SGCZ: variants seen among roughly 807,000 people sequenced by gnomAD.
The protein encoded by SGCZ is sarcoglycan zeta, also known as zeta-sarcoglycan.
Under a neutral mutation model 41.3 loss-of-function variants are expected in SGCZ, and 40 were observed. The ratio of observed to expected loss-of-function variants is 0.97; its 90% CI spans 0.75 to 1.26. SGCZ has a LOEUF of 1.26. Ranked by LOEUF, SGCZ falls within the 50% of genes most tolerant of loss-of-function variation. SGCZ has a pLI of 0.00. For synonymous variants in SGCZ, 206 were observed against 137.5 expected, an observed-to-expected ratio of 1.50 and a Z score of -3.49; for missense variants, 552 against 369.8, an observed-to-expected ratio of 1.49 and a Z score of -4.04.
At chr8:14,337,587 T>A (rs1802548509) in intron 2 of SGCZ, among the ~76,000 whole-genome samples, 1 of 152,140 alleles carries the variant, frequency 6.6e-6, no homozygotes, top group Non-Finnish European at 1.5e-5. Context: ...CCAGAATTGC[T>A]ATGGCAGATG....
chr8:14,095,546 A>G (rs1056718485), intron 7 of SGCZ, among the ~76,000 whole-genome samples: 4 of 152,252 alleles, frequency 2.6e-5, no homozygotes, highest in East Asian at 3.9e-4. Flanking sequence ...TGATGCCTGC[A>G]GCTTTGTTCT....
intron 1 of SGCZ, among the ~76,000 whole-genome samples, chr8:14,948,026 A>T (rs1485532091): frequency 1.3e-5 from 2 of 152,176 alleles, no homozygotes; most frequent in Admixed American, 1.3e-4. Flanking sequence ...AGCCTTCTGA[A>T]ACTTCTTCAT....
intron 2 of SGCZ, among the ~76,000 whole-genome samples, chr8:14,439,150 G>A (rs1003282845): frequency 6.6e-6 from 1 of 151,820 alleles, no homozygotes; most frequent in African/African-American, 2.4e-5. Flanking sequence ...TGATACATTT[G>A]TTAAAGGGAA....
At chr8:14,115,803 G>A (rs1206488329) in intron 5 of SGCZ, among the ~76,000 whole-genome samples, 1 of 151,738 alleles carries the variant, frequency 6.6e-6, no homozygotes, top group Non-Finnish European at 1.5e-5. Context: ...TTTGGGGGGT[G>A]GGGGTGGAAA....
At chr8:14,591,465 A>C (rs1472230093) in intron 1 of SGCZ, among the ~76,000 whole-genome samples, 4 of 152,040 alleles carry the variant, frequency 2.6e-5, no homozygotes, top group African/African-American at 9.7e-5. Context: ...GAAAAGGTAC[A>C]AAAAATATTT....
At chr8:15,173,379 T>TA (rs1291064617) in intron 1 of SGCZ, among the ~76,000 whole-genome samples, 3 of 152,186 alleles carry the variant, frequency 2.0e-5, no homozygotes, top group Non-Finnish European at 4.4e-5. Context: ...TTCTCATCTA[T>TA]AAAAATGGAT....
At chr8:15,231,189 T>C (rs936353784) in intron 1 of SGCZ, among the ~76,000 whole-genome samples, 2 of 152,218 alleles carry the variant, frequency 1.3e-5, no homozygotes, top group South Asian at 2.1e-4. Context: ...GTTTCCCTGA[T>C]GGACATTGCC....
At chr8:14,964,975 C>A (rs552448325) in intron 1 of SGCZ, among the ~76,000 whole-genome samples, 1 of 152,220 alleles carries the variant, frequency 6.6e-6, no homozygotes, top group South Asian at 2.1e-4. Flanking sequence ...GCAGACAGAC[C>A]ATTTACCTTT....
intron 1 of SGCZ, among the ~76,000 whole-genome samples, chr8:15,075,289 T>C (rs1805490626): frequency 6.6e-6 from 1 of 152,150 alleles, no homozygotes; most frequent in Non-Finnish European, 1.5e-5. Flanking sequence ...AGAAATACAC[T>C]TCTCAGATTT....
At chr8:14,629,226 A>G (rs988814887) in intron 1 of SGCZ, among the ~76,000 whole-genome samples, 1 of 152,102 alleles carries the variant, frequency 6.6e-6, no homozygotes, top group Admixed American at 6.6e-5. Flanking sequence ...TTCACTGTAG[A>G]ATGGAGTTAC....
At chr8:14,564,606 A>G (rs1036278447) in intron 1 of SGCZ, among the ~76,000 whole-genome samples, 1 of 152,216 alleles carries the variant, frequency 6.6e-6, no homozygotes, top group Non-Finnish European at 1.5e-5. Context: ...TTTAAAATGT[A>G]TCGTCTACCC....
chr8:14,537,319 A>C (rs1803326460), intron 2 of SGCZ, among the ~76,000 whole-genome samples: 1 of 151,918 alleles, frequency 6.6e-6, no homozygotes, highest in African/African-American at 2.4e-5. Flanking sequence ...GTATCATTGC[A>C]TATCTCTGTC....
chr8:15,055,092 G>T (rs935589133), intron 1 of SGCZ, among the ~76,000 whole-genome samples: 1 of 152,088 alleles, frequency 6.6e-6, no homozygotes, highest in African/African-American at 2.4e-5. Flanking sequence ...CCTTGTGGTA[G>T]GGTACACAGG....
At chr8:14,221,938 G>T (rs1432481220) in intron 4 of SGCZ, among the ~76,000 whole-genome samples, 1 of 151,282 alleles carries the variant, frequency 6.6e-6, no homozygotes, top group Non-Finnish European at 1.5e-5. Context: ...TCCAGCCTGG[G>T]TGACACAGTG....
At chr8:14,619,068 C>T (rs537412286) in intron 1 of SGCZ, among the ~76,000 whole-genome samples, 110 of 152,150 alleles carry the variant, frequency 7.2e-4, no homozygotes, top group African/African-American at 2.5e-3. Context: ...ATTTTCACAC[C>T]GTTATAAAGA....
intron 1 of SGCZ, among the ~76,000 whole-genome samples, chr8:15,127,691 C>T (rs1807756365): frequency 6.6e-6 from 1 of 152,014 alleles, no homozygotes; most frequent in African/African-American, 2.4e-5. Context: ...AATGGTAAAC[C>T]ATCTGCAATT....
chr8:14,886,243 A>G (rs1664700652), intron 1 of SGCZ, among the ~76,000 whole-genome samples: 1 of 151,738 alleles, frequency 6.6e-6, no homozygotes, highest in African/African-American at 2.4e-5. Flanking sequence ...AGGGCCTTCT[A>G]TGTATCAGAT....
chr8:14,469,501 GGCATTATAAAAT>G (rs1801148752), intron 2 of SGCZ, among the ~76,000 whole-genome samples: 1 of 151,862 alleles, frequency 6.6e-6, no homozygotes, highest in South Asian at 2.1e-4. Flanking sequence ...CCATGAGTGT[GGCATTATAAAAT>G]GCATTTGTCC....
At chr8:14,884,685 A>C (rs957317794) in intron 1 of SGCZ, among the ~76,000 whole-genome samples, 14 of 152,180 alleles carry the variant, frequency 9.2e-5, no homozygotes, top group African/African-American at 2.9e-4. Context: ...CACTTATTTT[A>C]AGAAAGAAAA....
Sources: allele counts gnomAD v4.1 joint callset (sites outside exome capture counted in the v4.1 genomes callset), GRCh38; gene constraint gnomAD v4.1.1; transcripts MANE v1.5; gene names NCBI Gene and HGNC (gene_info 2026-07-23, HGNC 2026-07-21).